The following NAALADL2 variants were observed in gnomAD, a reference collection of about 807,000 sequenced individuals.
NAALADL2 encodes inactive N-acetylated-alpha-linked acidic dipeptidase-like protein 2.
NAALADL2 carries 76 observed loss-of-function variants against 87.2 expected under a neutral mutation model. That is an observed-to-expected ratio of 0.87 (90% CI 0.72 to 1.05). The LOEUF is 1.05. Among genes scored for constraint, NAALADL2 ranks in the 50% least tolerant of loss-of-function variants. NAALADL2 has a pLI of 0.00. For synonymous variants in NAALADL2, 354 were observed against 331.0 expected (o/e 1.07, Z -0.75); for missense variants, 1,089 against 945.8 (o/e 1.15, Z -1.99).
chr3:175,790,189 A>C (rs1041744820), intron 13 of NAALADL2, among the ~76,000 whole-genome samples: 1 of 151,978 alleles, frequency 6.6e-6, no homozygotes, highest in African/African-American at 2.4e-5. Flanking sequence ...ATGCATTACT[A>C]TCAATCAATA....
intron 2 of NAALADL2, among the ~76,000 whole-genome samples, chr3:174,577,119 C>T (rs1487572366): frequency 6.6e-6 from 1 of 151,900 alleles, no homozygotes; most frequent in Non-Finnish European, 1.5e-5. Context: ...AATCAACTGT[C>T]TAGATGAAAA....
intron 13 of NAALADL2, among the ~76,000 whole-genome samples, chr3:175,783,428 T>G (rs1022756423): frequency 3.3e-5 from 5 of 151,218 alleles, no homozygotes; most frequent in Non-Finnish European, 5.9e-5. Context: ...TCCCATCCCT[T>G]GTAAGTTGGA....
chr3:174,756,769 G>A (rs1370083256), intron 3 of NAALADL2, among the ~76,000 whole-genome samples: 1 of 152,092 alleles, frequency 6.6e-6, no homozygotes, highest in Non-Finnish European at 1.5e-5. Flanking sequence ...TCCTGATCTC[G>A]CAGCCACAGT....
intron 9 of NAALADL2, among the ~76,000 whole-genome samples, chr3:175,502,269 A>G (rs79227421): frequency 0.022 from 3,255 of 148,034 alleles, 115 homozygotes; most frequent in African/African-American, 0.079. Context: ...GTGTGTGTGC[A>G]TGTGTGTTTG....
At chr3:174,807,257 G>C (rs1719612635) in intron 3 of NAALADL2, among the ~76,000 whole-genome samples, 1 of 151,580 alleles carries the variant, frequency 6.6e-6, no homozygotes, top group South Asian at 2.1e-4. Context: ...GATATTTTCA[G>C]CTTCTGCTTG....
intron 11 of NAALADL2, among the ~76,000 whole-genome samples, chr3:175,650,621 C>G (rs1182616453): frequency 1.3e-5 from 2 of 152,070 alleles, no homozygotes; most frequent in African/African-American, 2.4e-5. Flanking sequence ...CCTATTCTTC[C>G]CCCGAAATGA....
rs77821489 is a variant in NAALADL2, at chr3:175,364,933, A to T, written c.1090+40608A>T. 5.4e-5 allele frequency among the ~76,000 whole-genome samples: 8 copies of T among 147,914 alleles called. No individual in the cohort carries two copies. The East Asian group carries it at 1.6e-3, about 30-fold the overall frequency. The stretch of plus-strand genomic sequence containing the variant: ...ATATGTTTTACTTATATTCTCTATG[A>T]CTATCTAGTAACTTGGGGAAAGTAC... On this transcript the variant is annotated intron_variant, in intron 5 of 13. Transcript: ENST00000454872.
chr3:174,481,368 CTTGGAGG>C (rs1248706283), intron 1 of NAALADL2, among the ~76,000 whole-genome samples: 2 of 152,032 alleles, frequency 1.3e-5, no homozygotes, highest in Admixed American at 1.3e-4. Flanking sequence ...CCTAAGCCAA[CTTGGAGG>C]TTGTGTCACA....
Position 175,064,192 on chromosome 3 carries a change from G to T in NAALADL2, c.44-32598G>T, listed in dbSNP as rs1236246814. Among the ~76,000 whole-genome samples the T allele has an allele frequency of 4.0e-5, 6 of 150,930 alleles. No individual in the cohort carries two copies. The East Asian group carries it at 1.2e-3, about 30-fold the overall frequency. ...GGATTGTGAAGATGGTGGTATTGTT[G>T]GTGTTAGGATAGAGATTTGCCATGA... is the stretch of plus-strand genomic sequence containing the variant. On this transcript the variant is annotated intron_variant, in intron 1 of 13. Transcript: ENST00000454872.
intron 1 of NAALADL2, among the ~76,000 whole-genome samples, chr3:174,514,338 A>C (rs1719790383): frequency 6.6e-6 from 1 of 152,186 alleles, no homozygotes; most frequent in Non-Finnish European, 1.5e-5. Context: ...GAGCAACAAC[A>C]AAGTCTCTAT....
intron 2 of NAALADL2, among the ~76,000 whole-genome samples, chr3:174,733,167 A>C (rs1732861888): frequency 6.6e-6 from 1 of 152,188 alleles, no homozygotes; most frequent in Non-Finnish European, 1.5e-5. Flanking sequence ...GTGACACTTA[A>C]GTGAGATAAT....
intron 3 of NAALADL2, among the ~76,000 whole-genome samples, chr3:174,744,841 A>G (rs1013695789): frequency 2.0e-5 from 3 of 152,180 alleles, no homozygotes; most frequent in Non-Finnish European, 4.4e-5. Flanking sequence ...CTGTCCCTGA[A>G]TGACTCCTAA....
intron 1 of NAALADL2, among the ~76,000 whole-genome samples, chr3:174,490,698 A>G (rs1315571844): frequency 6.6e-6 from 1 of 152,126 alleles, no homozygotes. Context: ...GAATGAAGTA[A>G]ACAAGTAGGG....
At chr3:175,538,937 G>C (rs983386722) in intron 9 of NAALADL2, among the ~76,000 whole-genome samples, 2 of 152,186 alleles carry the variant, frequency 1.3e-5, no homozygotes, top group African/African-American at 4.8e-5. Context: ...AAAAAGGCAA[G>C]AGCAGGCAGA....
At chr3:174,991,388 C>G (rs9873161) in intron 1 of NAALADL2, among the ~76,000 whole-genome samples, 50,618 of 151,778 alleles carry the variant, frequency 0.33, 12,051 homozygotes, top group African/African-American at 0.67. Flanking sequence ...TTCATTTTCT[C>G]TAATGATAGA....
chr3:175,321,776 A>G (rs1215218448), intron 4 of NAALADL2, among the ~76,000 whole-genome samples: 11 of 133,154 alleles, frequency 8.3e-5, no homozygotes, highest in Middle Eastern at 3.6e-3. Context: ...AATCCAACTT[A>G]CAAGGGATGT....
intron 11 of NAALADL2, among the ~76,000 whole-genome samples, chr3:175,722,885 T>C (rs1305099900): frequency 1.3e-5 from 2 of 152,152 alleles, no homozygotes; most frequent in Non-Finnish European, 2.9e-5. Context: ...ACCAGTGTGC[T>C]AATTTCCTTG....
chr3:175,357,954 A>C (rs1210708805), intron 5 of NAALADL2, among the ~76,000 whole-genome samples: 1 of 152,182 alleles, frequency 6.6e-6, no homozygotes, highest in East Asian at 1.9e-4. Context: ...ACACTGGCAA[A>C]GGTGGGGAGG....
intron 11 of NAALADL2, among the ~76,000 whole-genome samples, chr3:175,725,628 CT>C (rs1742817404): frequency 6.6e-6 from 1 of 151,956 alleles, no homozygotes; most frequent in South Asian, 2.1e-4. Context: ...TAGAAAAGGG[CT>C]TGGAAAAAAA....
Sources: gnomAD v4.1 joint callset for allele counts (sites outside exome capture counted in the v4.1 genomes callset) on GRCh38, gnomAD v4.1.1 for gene constraint, MANE v1.5 for transcripts, NCBI Gene and HGNC (gene_info 2026-07-23, HGNC 2026-07-21) for gene names.